CBFA2T2: variants seen among roughly 807,000 people sequenced by gnomAD.
The protein encoded by CBFA2T2 is CBFA2/RUNX1 partner transcriptional co-repressor 2.
In CBFA2T2, 11 loss-of-function variants were observed where a neutral mutation model predicts 62.2. The ratio of observed to expected loss-of-function variants is 0.18; its 90% CI spans 0.11 to 0.29. The LOEUF (loss-of-function observed/expected upper bound fraction) is 0.29. Ranked by LOEUF, CBFA2T2 falls within the 10% of genes least tolerant of loss-of-function variation. The pLI is 1.00. For synonymous variants in CBFA2T2, 295 were observed against 287.5 expected (o/e 1.03, Z -0.27); for missense variants, 592 against 774.1 (o/e 0.76, Z 2.79).
At chr20:33,640,589 C>T (rs1601120163) in intron 10 of CBFA2T2, 58 bp downstream of exon 10, 2 of 1,511,282 alleles carry the variant, frequency 1.3e-6, no homozygotes, top group Non-Finnish European at 1.8e-6. Flanking sequence ...ACGCCCGCTG[C>T]CTTCCTCTCA....
chr20:33,572,619 G>T (rs1389610800), intron 1 of CBFA2T2, among the ~76,000 whole-genome samples: 1 of 152,156 alleles, frequency 6.6e-6, no homozygotes, highest in South Asian at 2.1e-4. Context: ...CAGTGCAAAG[G>T]CTCAATGATG....
chr20:33,559,193 T>TTTC (rs1555835221), intron 1 of CBFA2T2, among the ~76,000 whole-genome samples: 2 of 143,928 alleles, frequency 1.4e-5, no homozygotes, highest in African/African-American at 5.5e-5. Flanking sequence ...TTTTTTTTTT[T>TTTC]CTGAGATGGA....
intron 1 of CBFA2T2, among the ~76,000 whole-genome samples, chr20:33,528,994 G>C (rs1244573939): frequency 6.6e-6 from 1 of 152,082 alleles, no homozygotes; most frequent in Non-Finnish European, 1.5e-5. Context: ...TTGGGAGTTT[G>C]CACTACGCGT....
intron 1 of CBFA2T2, among the ~76,000 whole-genome samples, chr20:33,491,676 C>T (rs184469168): frequency 6.6e-6 from 1 of 151,796 alleles, no homozygotes; most frequent in Admixed American, 6.6e-5. Flanking sequence ...TTTAGGCTTG[C>T]AAAGGTACAG....
chr20:33,629,934 G>C lies in CBFA2T2; in HGVS notation c.1228+20G>C, dbSNP rs762297002. ...GCAATGGTAAGGGGAGAGTCTACGG[G>C]AAACCCAAAATAAATGTCAGCCTTT... On this transcript the variant is annotated intron_variant, in intron 8 of 10. Transcript: ENST00000342704. 3 of 1,579,972 alleles carry C rather than the reference G, an allele frequency of 1.9e-6. No individual in the cohort carries two copies. Among genetic ancestry groups the C allele is most frequent in the Admixed American group, 1.9e-5 (1 of 51,838 alleles).
intron 1 of CBFA2T2, among the ~76,000 whole-genome samples, chr20:33,505,299 T>C (rs895530841): frequency 2.0e-5 from 3 of 152,222 alleles, no homozygotes; most frequent in Non-Finnish European, 2.9e-5. Context: ...ACAATTCATA[T>C]TTGAATTTTG....
intron 1 of CBFA2T2, among the ~76,000 whole-genome samples, chr20:33,536,332 GC>G (rs1485387012): frequency 2.1e-5 from 3 of 144,896 alleles, no homozygotes; most frequent in Non-Finnish European, 4.7e-5. Context: ...AGACGGGGCG[GC>G]TGGCCGGGCA....
chr20:33,536,234 C>T, intron 1 of CBFA2T2, among the ~76,000 whole-genome samples: 1 of 147,764 alleles, frequency 6.8e-6, no homozygotes, highest in Non-Finnish European at 1.5e-5. Context: ...CCTCACATCC[C>T]AGTAGGGGCG....
intron 1 of CBFA2T2, among the ~76,000 whole-genome samples, chr20:33,536,635 G>T (rs1211625674): frequency 6.8e-6 from 1 of 148,064 alleles, no homozygotes; most frequent in Non-Finnish European, 1.5e-5. Context: ...GTTGCCAGGC[G>T]GAGGGTCTCC....
chr20:33,595,219 AT>A (rs1020597925), intron 1 of CBFA2T2, among the ~76,000 whole-genome samples: 6 of 151,022 alleles, frequency 4.0e-5, no homozygotes, highest in Non-Finnish European at 7.4e-5. Flanking sequence ...ACTTGAAAAA[AT>A]TTTTTTTTTG....
chr20:33,529,424 G>A (rs1194846793), intron 1 of CBFA2T2, among the ~76,000 whole-genome samples: 1 of 152,054 alleles, frequency 6.6e-6, no homozygotes, highest in Non-Finnish European at 1.5e-5. Context: ...ACTAGTGCAG[G>A]AGCTCTTTCC....
chr20:33,643,588 T>A (rs538835864), intron 10 of CBFA2T2, among the ~76,000 whole-genome samples: 8 of 151,384 alleles, frequency 5.3e-5, no homozygotes, highest in African/African-American at 1.7e-4. Flanking sequence ...GCAGCCTTCG[T>A]TGAGTCAGAT....
chr20:33,604,204 C>A (rs1446376101), intron 1 of CBFA2T2, among the ~76,000 whole-genome samples: 2 of 152,138 alleles, frequency 1.3e-5, no homozygotes, highest in Non-Finnish European at 2.9e-5. Context: ...AGGTCACATA[C>A]CTAGTTAATA....
intron 1 of CBFA2T2, among the ~76,000 whole-genome samples, chr20:33,546,426 CTT>C (rs151217037): frequency 5.9e-5 from 8 of 136,168 alleles, no homozygotes; most frequent in Non-Finnish European, 3.2e-5. Context: ...TCTGGATATA[CTT>C]TTTTTTTTTT....
chr20:33,525,746 G>A (rs1435688172), intron 1 of CBFA2T2, among the ~76,000 whole-genome samples: 1 of 152,056 alleles, frequency 6.6e-6, no homozygotes, highest in Non-Finnish European at 1.5e-5. Context: ...CGACCACCTG[G>A]GCTCAAGCAA....
chr20:33,493,834 A>T (rs1467486675), intron 1 of CBFA2T2, among the ~76,000 whole-genome samples: 2 of 151,922 alleles, frequency 1.3e-5, no homozygotes, highest in East Asian at 3.9e-4. Flanking sequence ...TTCCATCAGT[A>T]AATAGGGTTG....
At chr20:33,495,247 A>G (rs1168669223) in intron 1 of CBFA2T2, among the ~76,000 whole-genome samples, 1 of 151,804 alleles carries the variant, frequency 6.6e-6, no homozygotes, top group Non-Finnish European at 1.5e-5. Flanking sequence ...AAAATACAAA[A>G]AGAAGCTGGC....
intron 1 of CBFA2T2, among the ~76,000 whole-genome samples, chr20:33,534,599 C>T (rs1321877901): frequency 6.6e-6 from 1 of 152,132 alleles, no homozygotes; most frequent in Non-Finnish European, 1.5e-5. Flanking sequence ...AGGCATGATC[C>T]ATTGCCCCCA....
chr20:33,521,520 G>C (rs977158839), intron 1 of CBFA2T2, among the ~76,000 whole-genome samples: 1 of 152,128 alleles, frequency 6.6e-6, no homozygotes, highest in Non-Finnish European at 1.5e-5. Flanking sequence ...TTTAATCTGG[G>C]TGATAAGATG....
Sources: allele counts gnomAD v4.1 joint callset (sites outside exome capture counted in the v4.1 genomes callset), GRCh38; gene constraint gnomAD v4.1.1; transcripts MANE v1.5; gene names NCBI Gene and HGNC (gene_info 2026-07-23, HGNC 2026-07-21).